Variants in VWC2L observed in about 807,000 individuals in gnomAD.
The protein encoded by VWC2L is von Willebrand factor C domain-containing protein 2-like.
In VWC2L, 10 loss-of-function variants were observed where a neutral mutation model predicts 21.6. That is an observed-to-expected ratio of 0.46 (90% CI 0.29 to 0.78). VWC2L has a LOEUF of 0.78. VWC2L is among the 30% of genes least tolerant of loss of function. The pLI is 0.10. For synonymous variants in VWC2L, 96 were observed against 94.3 expected (o/e 1.02, Z -0.10); for missense variants, 209 against 277.1 (o/e 0.75, Z 1.74).
intron 3 of VWC2L, among the ~76,000 whole-genome samples, chr2:214,508,340 T>G (rs1056697370): frequency 9.9e-5 from 15 of 152,184 alleles, no homozygotes; most frequent in African/African-American, 3.1e-4. Flanking sequence ...AAATTTTCTC[T>G]GGATTCGCCA....
intron 3 of VWC2L, among the ~76,000 whole-genome samples, chr2:214,537,713 A>G (rs1689558291): frequency 1.3e-5 from 2 of 152,130 alleles, no homozygotes; most frequent in Non-Finnish European, 2.9e-5. Context: ...ACATAATTAT[A>G]TAACATTGTA....
intron 3 of VWC2L, among the ~76,000 whole-genome samples, chr2:214,497,449 T>C (rs1399938049): frequency 1.3e-5 from 2 of 152,212 alleles, no homozygotes; most frequent in Non-Finnish European, 2.9e-5. Flanking sequence ...CGCAACCTCA[T>C]CTTTGAGCCA....
At chr2:214,435,924 A>T (rs1489451257) in intron 2 of VWC2L, among the ~76,000 whole-genome samples, 1 of 152,130 alleles carries the variant, frequency 6.6e-6, no homozygotes, top group African/African-American at 2.4e-5. Flanking sequence ...TCTGATGTTT[A>T]ATTTTTTTCT....
At chr2:214,434,529 T>C (rs1188468780) in intron 2 of VWC2L, among the ~76,000 whole-genome samples, 1 of 152,192 alleles carries the variant, frequency 6.6e-6, no homozygotes, top group East Asian at 1.9e-4. Flanking sequence ...CAGTCCATTA[T>C]AGCAGTTAGG....
At chr2:214,429,411 T>C (rs1702569157) in intron 2 of VWC2L, among the ~76,000 whole-genome samples, 1 of 152,202 alleles carries the variant, frequency 6.6e-6, no homozygotes, top group African/African-American at 2.4e-5. Context: ...CATCAAAACC[T>C]CGATTTTATA....
At chr2:214,429,033 A>G (rs1465298091) in intron 2 of VWC2L, among the ~76,000 whole-genome samples, 2 of 152,122 alleles carry the variant, frequency 1.3e-5, no homozygotes, top group Non-Finnish European at 2.9e-5. Flanking sequence ...AGGCCAGGTC[A>G]TATTCATCTC....
At chr2:214,431,159 G>A (rs1245928306) in intron 2 of VWC2L, among the ~76,000 whole-genome samples, 1 of 152,182 alleles carries the variant, frequency 6.6e-6, no homozygotes, top group Non-Finnish European at 1.5e-5. Flanking sequence ...TTTGCACTTT[G>A]TAATTTAATG....
rs1451710792 is a variant in VWC2L at position 214,488,973 on chromosome 2, A to G, written c.520+52215A>G. The stretch of plus-strand genomic sequence containing the variant: ...CACCCAACACCTCCCATTAGGTTCT[A>G]CCTTTAACATTGGGAATCACATTTC... On this transcript the variant is annotated intron_variant, in intron 3 of 3. Coordinates refer to ENST00000312504, the MANE Select transcript of VWC2L (RefSeq NM_001080500.4). Among the ~76,000 whole-genome samples, 10 of 152,208 alleles carry G rather than the reference A, an allele frequency of 6.6e-5. No individual in the cohort carries two copies. In the South Asian group the frequency reaches 1.9e-3, roughly 28 times the overall value.
intron 3 of VWC2L, among the ~76,000 whole-genome samples, chr2:214,560,855 T>TG (rs1689956280): frequency 6.6e-6 from 1 of 152,204 alleles, no homozygotes; most frequent in South Asian, 2.1e-4. Context: ...CAAAGGCTGA[T>TG]GCTGAGACTT....
At chr2:214,415,132 T>A (rs1702335858) in intron 2 of VWC2L, 1 of 152,430 alleles carries the variant, frequency 6.6e-6, no homozygotes, top group Non-Finnish European at 1.5e-5. Flanking sequence ...GCTGGATTTT[T>A]TGCTTTCAGG....
chr2:214,446,412 T>G (rs1265654879), intron 3 of VWC2L, among the ~76,000 whole-genome samples: 1 of 152,190 alleles, frequency 6.6e-6, no homozygotes, highest in East Asian at 1.9e-4. Context: ...CTCCAAAATA[T>G]GAAAGAAAAT....
chr2:214,434,611 C>T (rs1702650842), intron 2 of VWC2L, among the ~76,000 whole-genome samples: 1 of 152,076 alleles, frequency 6.6e-6, no homozygotes, highest in Admixed American at 6.6e-5. Context: ...CCTTTCTCAG[C>T]CCATTTCCTC....
intron 3 of VWC2L, among the ~76,000 whole-genome samples, chr2:214,508,931 C>G (rs1689011054): frequency 6.6e-6 from 1 of 152,010 alleles, no homozygotes; most frequent in African/African-American, 2.4e-5. Flanking sequence ...CTTCTCCCTC[C>G]CTCCTCCTTT....
In VWC2L at chr2:214,434,661, A is replaced by T. The variant is rs189272322; in HGVS notation, c.391-1968A>T. Among the ~76,000 whole-genome samples the T allele has an allele frequency of 3.4e-4, 52 of 152,286 alleles. No homozygotes were observed. In the East Asian group the frequency reaches 9.8e-3, roughly 29 times the overall value. On this transcript the variant is annotated intron_variant, in intron 2 of 3. Coordinates refer to ENST00000312504, the MANE Select transcript of VWC2L (RefSeq NM_001080500.4). ...GATAAAAACAAGTCTTGCTTCATAG[A>T]ATTATTACAAAAACTAAGTAAGTAG...
intron 2 of VWC2L, among the ~76,000 whole-genome samples, chr2:214,421,453 C>A (rs1010001452): frequency 2.6e-5 from 4 of 152,030 alleles, no homozygotes; most frequent in Non-Finnish European, 5.9e-5. Context: ...ACTCACTTAC[C>A]AATATTTATT....
intron 3 of VWC2L, among the ~76,000 whole-genome samples, chr2:214,534,353 C>T (rs1689490608): frequency 6.6e-6 from 1 of 152,078 alleles, no homozygotes; most frequent in Admixed American, 6.6e-5. Flanking sequence ...TATTGCATTT[C>T]TTTGGTTTCC....
At position 214,452,116 on chromosome 2, in the gene VWC2L, C is replaced by A. The variant is rs139993628; in HGVS notation, c.520+15358C>A. On this transcript the variant is annotated intron_variant, in intron 3 of 3. Transcript: ENST00000312504. ...TCCTAGCACTCTGTATGCATGGAAT[C>A]ATTCAGTATGCACTCTCTTTTGTTT... Among the ~76,000 whole-genome samples the A allele has an allele frequency of 4.6e-3, 703 of 152,210 alleles. 2 individuals are homozygous for A. The highest frequency in any genetic ancestry group is 0.02 in the Middle Eastern group (6 of 294).
intron 2 of VWC2L, among the ~76,000 whole-genome samples, chr2:214,416,863 T>C (rs2126169700): frequency 6.6e-6 from 1 of 152,220 alleles, no homozygotes; most frequent in Non-Finnish European, 1.5e-5. Context: ...TGATGACGGG[T>C]ACACAATAGG....
intron 3 of VWC2L, among the ~76,000 whole-genome samples, chr2:214,566,884 C>G (rs1210475465): frequency 2.6e-5 from 4 of 152,100 alleles, no homozygotes; most frequent in African/African-American, 7.2e-5. Flanking sequence ...TTTCATAGCA[C>G]AATAGCATCT....
Sources: allele counts gnomAD v4.1 joint callset (sites outside exome capture counted in the v4.1 genomes callset), GRCh38; gene constraint gnomAD v4.1.1; transcripts MANE v1.5; gene names NCBI Gene and HGNC (gene_info 2026-07-23, HGNC 2026-07-21).